The following PROM1 variants were observed in gnomAD, a reference collection of about 807,000 sequenced individuals.
PROM1 encodes prominin 1.
A neutral mutation model predicts 116.9 loss-of-function variants in PROM1; 105 were observed. The ratio of observed to expected loss-of-function variants is 0.90; its 90% CI spans 0.77 to 1.06. The LOEUF (loss-of-function observed/expected upper bound fraction) is 1.06, where lower values mean the gene tolerates loss of function less well. Ranked by LOEUF, PROM1 falls within the 50% of genes least tolerant of loss-of-function variation. PROM1 has a pLI of 0.00. For missense variants in PROM1, 1,122 were observed against 1,045.2 expected, an observed-to-expected ratio of 1.07 and a Z score of -1.01; for synonymous variants, 393 against 387.0, an observed-to-expected ratio of 1.02 and a Z score of -0.18.
chr4:16,006,651 G>A lies in PROM1; in HGVS notation c.1341C>T (p.Leu447=), dbSNP rs771278074. Residue 447 remains leucine, a synonymous_variant, in exon 13 of 28, where the codon CTC becomes CTT. Transcript: ENST00000447510. ...GGLVICSLLT[L]IVIFYYLGLL... ...AGCCCAGGTAGTAAAAAATCACGATGAGGGTCAGCAGAGAGCAGATGACCA... is the reference window on the plus strand; with the variant it reads ...AGCCCAGGTAGTAAAAAATCACGATAAGGGTCAGCAGAGAGCAGATGACCA... The A allele has an allele frequency of 4.3e-6, 7 of 1,613,044 alleles. No individual in the cohort carries two copies. The highest frequency in any genetic ancestry group is 4.2e-6 in the Non-Finnish European group (5 of 1,179,596).
intron 2 of PROM1, among the ~76,000 whole-genome samples, chr4:16,047,650 T>A (rs972325081): frequency 1.3e-5 from 2 of 152,190 alleles, no homozygotes; most frequent in Non-Finnish European, 2.9e-5. Flanking sequence ...CAACACTAGA[T>A]TAAGGTTTGT....
chr4:16,036,041 G>A (rs186355384), intron 3 of PROM1, among the ~76,000 whole-genome samples: 1 of 152,302 alleles, frequency 6.6e-6, no homozygotes, highest in East Asian at 1.9e-4. Flanking sequence ...GTTACGCAAA[G>A]GAGAATTAGA....
In PROM1 at chr4:16,000,481, G is replaced by A. The variant is rs754582925; in HGVS notation, c.1578+15C>T. 10 of 1,567,960 alleles carry A rather than the reference G, an allele frequency of 6.4e-6. 1 individual carries two copies. The South Asian group carries it at 6.9e-5, about 11-fold the overall frequency. ...TGTTCAAGTCCTTTCATAATGGGTAGAAAATCATATTTACCCGGAATAATT... is the reference window on the plus strand; with the variant it reads ...TGTTCAAGTCCTTTCATAATGGGTAAAAAATCATATTTACCCGGAATAATT... On this transcript the variant is annotated intron_variant, in intron 14 of 27. Coordinates refer to ENST00000447510, the MANE Select transcript of PROM1 (RefSeq NM_006017.3).
At chr4:15,991,360 T>C (rs1030040290) in intron 17 of PROM1, 67 bp from the exon 18 acceptor site, 18 of 1,046,846 alleles carry the variant, frequency 1.7e-5, no homozygotes, top group African/African-American at 1.0e-4. Context: ...CAACATCTAG[T>C]AGGCAACAGA....
intron 2 of PROM1, among the ~76,000 whole-genome samples, chr4:16,043,347 C>A (rs1444717162): frequency 6.6e-6 from 1 of 152,226 alleles, no homozygotes; most frequent in African/African-American, 2.4e-5. Context: ...GAGATGGGAT[C>A]TCATTCTGTC....
At chr4:16,041,773 AATAAATAAATAAATATAT>A (rs1560553869) in intron 2 of PROM1, among the ~76,000 whole-genome samples, 1 of 38,880 alleles carries the variant, frequency 2.6e-5, no homozygotes, top group African/African-American at 6.9e-5. Flanking sequence ...TAAATAAATA[AATAAATAAATAAATATAT>A]ATATATATAT....
At chr4:15,980,946 G>GTTATTTATTTATTTATTTATTTATTTAT (rs59408018) in intron 23 of PROM1, among the ~76,000 whole-genome samples, 1 of 145,140 alleles carries the variant, frequency 6.9e-6, no homozygotes, top group Non-Finnish European at 1.5e-5. Context: ...CTTATGAGTT[G>GTTATTTATTTATTTATTTATTTATTTAT]TTATTTATTT....
intron 3 of PROM1, among the ~76,000 whole-genome samples, chr4:16,038,251 CT>C (rs553382931): frequency 9.2e-5 from 14 of 152,298 alleles, no homozygotes; most frequent in African/African-American, 3.4e-4. Flanking sequence ...TGCAAAGCTA[CT>C]TTTTAACAAA....
chr4:16,067,635 C>T (rs1741829033), intron 2 of PROM1, among the ~76,000 whole-genome samples: 1 of 152,054 alleles, frequency 6.6e-6, no homozygotes, highest in Non-Finnish European at 1.5e-5. Context: ...GTGGCTAGGC[C>T]CATTGCCAGC....
intron 5 of PROM1, among the ~76,000 whole-genome samples, chr4:16,028,859 A>G (rs564478600): frequency 6.6e-6 from 1 of 152,336 alleles, no homozygotes; most frequent in South Asian, 2.1e-4. Flanking sequence ...GAAGATAGGA[A>G]TTTTTATTTT....
chr4:16,014,385 G>C (rs1345585326), intron 10 of PROM1, among the ~76,000 whole-genome samples: 2 of 152,166 alleles, frequency 1.3e-5, no homozygotes, highest in Non-Finnish European at 2.9e-5. Flanking sequence ...AGATGTCATG[G>C]GGGGTTTCAC....
At chr4:16,079,864 T>A (rs1744670491) in intron 1 of PROM1, 1 of 151,928 alleles carries the variant, frequency 6.6e-6, no homozygotes, top group South Asian at 2.1e-4. Flanking sequence ...GCTCCCCAAA[T>A]GCCCTTTTCA....
At chr4:16,041,430 T>TAAC (rs1735202500) in intron 2 of PROM1, among the ~76,000 whole-genome samples, 2 of 152,224 alleles carry the variant, frequency 1.3e-5, no homozygotes, top group Non-Finnish European at 2.9e-5. Flanking sequence ...GCAAGTGTTT[T>TAAC]AAGTTGTGAG....
intron 20 of PROM1, 100 bp downstream of exon 20, chr4:15,987,563 T>C: frequency 7.9e-7 from 1 of 1,261,360 alleles, no homozygotes. Flanking sequence ...TGAGGCTTTT[T>C]TTTTCAACTT....
chr4:15,973,128 G>C (rs567757750), intron 26 of PROM1, among the ~76,000 whole-genome samples: 4 of 152,288 alleles, frequency 2.6e-5, no homozygotes, highest in African/African-American at 9.6e-5. Context: ...TCCTCCTCTA[G>C]GCTGCAGAGG....
intron 1 of PROM1, among the ~76,000 whole-genome samples, chr4:16,079,695 C>A (rs1178173327): frequency 2.6e-5 from 4 of 152,098 alleles, no homozygotes; most frequent in Admixed American, 6.5e-5. Flanking sequence ...GCATTTTTAA[C>A]AAGCTTTCCT....
chr4:15,984,868 C>G (rs1718932267), intron 22 of PROM1, among the ~76,000 whole-genome samples: 1 of 152,150 alleles, frequency 6.6e-6, no homozygotes, highest in Admixed American at 6.5e-5. Context: ...AAATGTAATG[C>G]CCTTGAATCA....
intron 27 of PROM1, among the ~76,000 whole-genome samples, chr4:15,970,548 CTG>C (rs1297450237): frequency 3.3e-5 from 5 of 151,484 alleles, no homozygotes; most frequent in Non-Finnish European, 5.9e-5. Flanking sequence ...CACATACTCA[CTG>C]TGTGTGTGTA....
chr4:16,054,420 G>GT (rs1738531244), intron 2 of PROM1, among the ~76,000 whole-genome samples: 1 of 152,118 alleles, frequency 6.6e-6, no homozygotes, highest in Non-Finnish European at 1.5e-5. Context: ...GACAGCCCTG[G>GT]TTTACATCTG....
Sources: allele counts gnomAD v4.1 joint callset (sites outside exome capture counted in the v4.1 genomes callset), GRCh38; gene constraint gnomAD v4.1.1; transcripts MANE v1.5; gene names NCBI Gene and HGNC (gene_info 2026-07-23, HGNC 2026-07-21).